The following NELL1 variants were observed in gnomAD, a reference collection of about 807,000 sequenced individuals.
The protein encoded by NELL1 is protein kinase C-binding protein NELL1.
NELL1 carries 76 observed loss-of-function variants against 107.4 expected under a neutral mutation model. The ratio of observed to expected loss-of-function variants is 0.71; its 90% CI spans 0.59 to 0.86. The LOEUF is 0.86. NELL1 is among the 40% of genes least tolerant of loss of function. The pLI is 0.00. For missense variants in NELL1, 1,024 were observed against 1,005.5 expected (o/e 1.02, Z -0.25); for synonymous variants, 353 against 341.2 (o/e 1.03, Z -0.38).
intron 14 of NELL1, among the ~76,000 whole-genome samples, chr11:21,240,648 G>C (rs1489588654): frequency 6.6e-6 from 1 of 151,782 alleles, no homozygotes; most frequent in Non-Finnish European, 1.5e-5. Context: ...GCAAGGCAAA[G>C]GGACTTTTGT....
At chr11:20,960,684 A>T (rs1419109321) in intron 12 of NELL1, 124 bp downstream of exon 12, 2 of 1,070,010 alleles carry the variant, frequency 1.9e-6, no homozygotes, top group African/African-American at 3.2e-5. Context: ...ATAAGAAATC[A>T]TATCAATTGC....
At chr11:20,848,508 C>G (rs1200916805) in intron 4 of NELL1, among the ~76,000 whole-genome samples, 1 of 152,118 alleles carries the variant, frequency 6.6e-6, no homozygotes, top group East Asian at 1.9e-4. Context: ...TCTCCATAAC[C>G]CACTGAAGAT....
chr11:21,215,334 A>C (rs1300483871), intron 13 of NELL1, among the ~76,000 whole-genome samples: 1 of 152,186 alleles, frequency 6.6e-6, no homozygotes, highest in Admixed American at 6.5e-5. Context: ...GAGTAAATTA[A>C]ACTTCTTTCC....
chr11:20,686,932 G>GTTT (rs368676309), intron 2 of NELL1, among the ~76,000 whole-genome samples: 4 of 139,344 alleles, frequency 2.9e-5, no homozygotes, highest in Admixed American at 7.2e-5. Context: ...AGGGGCTTCA[G>GTTT]TTTTTTTTTT....
chr11:21,276,722 G>A lies in NELL1; in HGVS notation c.1549+47268G>A, dbSNP rs536737285. Among the ~76,000 whole-genome samples, 33 of 152,034 alleles carry A rather than the reference G, an allele frequency of 2.2e-4. No homozygotes were observed. In the East Asian group the frequency reaches 3.1e-3, roughly 14 times the overall value. On this transcript the variant is annotated intron_variant, in intron 14 of 19. Coordinates refer to ENST00000357134, the MANE Select transcript of NELL1 (RefSeq NM_006157.5). Reference sequence around the variant, plus strand: ...GAGATATAGACCAATGGAACAGAACGGAGCCCTCAGAAATAATGCCACATA... The same window carrying A: ...GAGATATAGACCAATGGAACAGAACAGAGCCCTCAGAAATAATGCCACATA...
chr11:21,156,500 T>C (rs1012845844), intron 13 of NELL1, among the ~76,000 whole-genome samples: 4 of 151,872 alleles, frequency 2.6e-5, no homozygotes, highest in African/African-American at 7.3e-5. Flanking sequence ...AGTCTGTAGT[T>C]TGAAGAGCAG....
chr11:21,502,816 A>G (rs1336360987), intron 15 of NELL1, among the ~76,000 whole-genome samples: 1 of 152,174 alleles, frequency 6.6e-6, no homozygotes, highest in Non-Finnish European at 1.5e-5. Flanking sequence ...TGGAAAGCTA[A>G]TTACTGTACA....
chr11:21,485,727 G>T (rs1854611058), intron 15 of NELL1, among the ~76,000 whole-genome samples: 2 of 151,392 alleles, frequency 1.3e-5, no homozygotes, highest in African/African-American at 2.4e-5. Flanking sequence ...AATAATCTGG[G>T]GACCATCCCA....
At chr11:21,187,008 AAAT>A (rs1455473301) in intron 13 of NELL1, among the ~76,000 whole-genome samples, 1 of 151,900 alleles carries the variant, frequency 6.6e-6, no homozygotes, top group African/African-American at 2.4e-5. Context: ...GGTGAAATAG[AAAT>A]AATAATATTC....
chr11:21,264,071 G>GATGTGTGTGTGTGTGTGT (rs1554989862), intron 14 of NELL1, among the ~76,000 whole-genome samples: 1 of 139,436 alleles, frequency 7.2e-6, no homozygotes, highest in Non-Finnish European at 1.6e-5. Flanking sequence ...TCTACAATGG[G>GATGTGTGTGTGTGTGTGT]GTGTGTGTGT....
chr11:21,470,492 C>T (rs1002309396), intron 15 of NELL1, among the ~76,000 whole-genome samples: 3 of 152,014 alleles, frequency 2.0e-5, no homozygotes, highest in African/African-American at 7.2e-5. Flanking sequence ...TACATGTTCC[C>T]CTGCTCTTTG....
At chr11:20,695,576 T>C (rs187463105) in intron 2 of NELL1, among the ~76,000 whole-genome samples, 2 of 152,282 alleles carry the variant, frequency 1.3e-5, no homozygotes, top group East Asian at 1.9e-4. Context: ...TAGTTTTCTT[T>C]ATGTGGTGAA....
rs76294884 is a variant in NELL1 at position 21,151,521 on chromosome 11, G to A, written c.1426+37807G>A. Among the ~76,000 whole-genome samples the A allele has an allele frequency of 9.2e-3, 1,401 of 152,222 alleles. 19 individuals carry two copies. Among genetic ancestry groups the A allele is most frequent in the African/African-American group, 0.032 (1,327 of 41,540 alleles). ...GAAGTGTATCTTGTGGAGTACTTCA[G>A]CCATTCATCCTATGTAATGACCTTG... On this transcript the variant is annotated intron_variant, in intron 13 of 19. Coordinates refer to ENST00000357134, the MANE Select transcript of NELL1 (RefSeq NM_006157.5).
At chr11:21,516,176 G>A (rs1025815388) in intron 15 of NELL1, among the ~76,000 whole-genome samples, 3 of 152,184 alleles carry the variant, frequency 2.0e-5, no homozygotes, top group African/African-American at 4.8e-5. Flanking sequence ...GTGGCCTTGG[G>A]AGGGTGACAT....
At chr11:21,274,950 A>T (rs2133939475) in intron 14 of NELL1, among the ~76,000 whole-genome samples, 1 of 152,364 alleles carries the variant, frequency 6.6e-6, no homozygotes, top group East Asian at 1.9e-4. Flanking sequence ...GAAAGCAAGA[A>T]AGATCTAAAA....
At chr11:21,395,989 G>A (rs973387024) in intron 15 of NELL1, among the ~76,000 whole-genome samples, 1 of 151,572 alleles carries the variant, frequency 6.6e-6, no homozygotes, top group Non-Finnish European at 1.5e-5. Context: ...GACTTAAAAT[G>A]TCAATACCTT....
chr11:21,222,152 T>G (rs187127765), intron 13 of NELL1, among the ~76,000 whole-genome samples: 1 of 152,138 alleles, frequency 6.6e-6, no homozygotes, highest in Non-Finnish European at 1.5e-5. Flanking sequence ...TTTTTGTTTC[T>G]TTGATCTTTT....
intron 13 of NELL1, among the ~76,000 whole-genome samples, chr11:21,141,121 T>G (rs1252128282): frequency 6.6e-6 from 1 of 152,260 alleles, no homozygotes; most frequent in Admixed American, 6.5e-5. Flanking sequence ...TTCCAGCTTG[T>G]ACCCATATGC....
chr11:21,275,538 T>C (rs914094861), intron 14 of NELL1, among the ~76,000 whole-genome samples: 5 of 152,216 alleles, frequency 3.3e-5, no homozygotes, highest in African/African-American at 9.6e-5. Flanking sequence ...GAATCCTCCC[T>C]AGCTCATTTT....
Sources: allele counts gnomAD v4.1 joint callset (sites outside exome capture counted in the v4.1 genomes callset), GRCh38; gene constraint gnomAD v4.1.1; transcripts MANE v1.5; gene names NCBI Gene and HGNC (gene_info 2026-07-23, HGNC 2026-07-21).